The following UBR3 variants were observed in gnomAD, a reference collection of about 807,000 sequenced individuals.
The protein encoded by UBR3 is E3 ubiquitin-protein ligase UBR3.
In UBR3, 85 loss-of-function variants were observed where a neutral mutation model predicts 243.2. The observed-to-expected ratio is 0.35, with a 90% CI of 0.29 to 0.42. The LOEUF (loss-of-function observed/expected upper bound fraction) is 0.42, where lower values mean the gene tolerates loss of function less well. Among genes scored for constraint, UBR3 ranks in the 10% least tolerant of loss-of-function variants. The probability of loss-of-function intolerance (pLI) is 1.00; values close to 1 mark genes in which losing one functional copy is unlikely to be tolerated. For missense variants in UBR3, 1,686 were observed against 2,300.8 expected, an observed-to-expected ratio of 0.73 and a Z score of 5.47; for synonymous variants, 748 against 799.8, an observed-to-expected ratio of 0.94 and a Z score of 1.09.
At chr2:170,081,371 G>A (rs2091903101) in intron 38 of UBR3, among the ~76,000 whole-genome samples, 1 of 152,046 alleles carries the variant, frequency 6.6e-6, no homozygotes, top group African/African-American at 2.4e-5. Context: ...GTGGTGGCGG[G>A]CCCCTATAGT....
At chr2:169,919,610 C>T (rs1019822503) in intron 11 of UBR3, among the ~76,000 whole-genome samples, 2 of 152,128 alleles carry the variant, frequency 1.3e-5, no homozygotes, top group Admixed American at 6.5e-5. Context: ...AACAAACTTA[C>T]AAGAAAAAAG....
At chr2:170,054,572 G>A (rs941095142) in intron 32 of UBR3, among the ~76,000 whole-genome samples, 5 of 151,998 alleles carry the variant, frequency 3.3e-5, no homozygotes, top group Admixed American at 3.3e-4. Context: ...GTGAGCCACC[G>A]CCCCTGGCCA....
chr2:170,041,093 C>T (rs563134380), intron 32 of UBR3, 108 bp downstream of exon 32: 12 of 1,085,240 alleles, frequency 1.1e-5, no homozygotes, highest in Admixed American at 9.1e-5. Flanking sequence ...TTGTAATCCC[C>T]GCACTTTAGG....
intron 14 of UBR3, among the ~76,000 whole-genome samples, chr2:169,926,110 T>C (rs2085900319): frequency 6.6e-6 from 1 of 152,142 alleles, no homozygotes; most frequent in South Asian, 2.1e-4. Flanking sequence ...TGGGTTGATT[T>C]AGGGGAGGGG....
At chr2:169,876,902 C>G (rs937720050) in intron 3 of UBR3, among the ~76,000 whole-genome samples, 2 of 151,996 alleles carry the variant, frequency 1.3e-5, no homozygotes, top group Non-Finnish European at 2.9e-5. Flanking sequence ...GAGAAGTGAT[C>G]CCCTTTCTTT....
intron 1 of UBR3, among the ~76,000 whole-genome samples, chr2:169,848,783 A>G (rs1033395237): frequency 7.4e-5 from 11 of 149,606 alleles, no homozygotes; most frequent in Non-Finnish European, 1.3e-4. Context: ...GCTCACTGCA[A>G]CCTCTGCCTC....
rs1000969565 is a variant in UBR3 at position 169,856,393 on chromosome 2, C to T, written c.546-15843C>T. 7.2e-5 allele frequency among the ~76,000 whole-genome samples: 11 copies of T among 152,162 alleles called. No homozygotes were observed. The South Asian group carries it at 2.1e-3, about 29-fold the overall frequency. Reference sequence around the variant, plus strand: ...GGCTCCTCACATCCCAGACGATGGGCGGCTGCGCAGAGACGCTCCTCACTT... The same window carrying T: ...GGCTCCTCACATCCCAGACGATGGGTGGCTGCGCAGAGACGCTCCTCACTT... On this transcript the variant is annotated intron_variant, in intron 1 of 38. Transcript: ENST00000272793.
At chr2:169,857,064 G>GTTTTGTTTTTTTTTTT (rs1255937396) in intron 1 of UBR3, among the ~76,000 whole-genome samples, 3 of 56,094 alleles carry the variant, frequency 5.3e-5, no homozygotes, top group East Asian at 8.7e-4. Flanking sequence ...ATTTTATTAT[G>GTTTTGTTTTTTTTTTT]TTTTTTTTTT....
intron 36 of UBR3, chr2:170,077,301 C>A: frequency 1.3e-6 from 1 of 759,532 alleles, no homozygotes; most frequent in East Asian, 2.6e-5. Context: ...CCCCAAATAA[C>A]CTTGCCTCCT....
At chr2:170,009,168 C>A (rs2090010526) in intron 29 of UBR3, among the ~76,000 whole-genome samples, 1 of 151,894 alleles carries the variant, frequency 6.6e-6, no homozygotes, top group African/African-American at 2.4e-5. Flanking sequence ...CATTATAGTA[C>A]ATGGGGGAAA....
At chr2:169,882,073 T>A (rs1559054200) in intron 5 of UBR3, among the ~76,000 whole-genome samples, 1 of 126,688 alleles carries the variant, frequency 7.9e-6, no homozygotes, top group African/African-American at 3.0e-5. Context: ...TATAATATAA[T>A]TATATATGTA....
Position 169,949,874 on chromosome 2 carries a change from A to C in UBR3, c.3354A>C (p.Leu1118Phe), listed in dbSNP as rs1406641119. The change falls in exon 23 of 39, where the codon TTA becomes TTC. Residue 1118 changes from leucine to phenylalanine, a missense_variant. Transcript: ENST00000272793. ...CTTGGCTTGATGACATAGAAATTTT[A>C]ATCCAACCAGAAATTCCTAAATACA... ...YPPWLDDIEI[L>F]IQPEIPKYSH... The C allele has an allele frequency of 6.2e-7, 1 of 1,602,924 alleles. No homozygotes were observed. The highest frequency in any genetic ancestry group is 8.5e-7 in the Non-Finnish European group (1 of 1,173,678).
At chr2:169,833,096 T>C (rs1357627312) in intron 1 of UBR3, among the ~76,000 whole-genome samples, 1 of 152,216 alleles carries the variant, frequency 6.6e-6, no homozygotes, top group African/African-American at 2.4e-5. Flanking sequence ...ATGCTGCTTA[T>C]ATGAAAAGTC....
intron 19 of UBR3, among the ~76,000 whole-genome samples, chr2:169,937,228 G>T (rs1314990910): frequency 6.6e-6 from 1 of 152,138 alleles, no homozygotes; most frequent in East Asian, 1.9e-4. Flanking sequence ...ATCTAATTGT[G>T]GTTTTGATTT....
intron 19 of UBR3, among the ~76,000 whole-genome samples, chr2:169,934,819 G>A (rs6716016): frequency 0.74 from 112,655 of 152,130 alleles, 43,044 homozygotes; most frequent in East Asian, 0.88. Context: ...AAAGTAAGCC[G>A]TTTGCTTTAT....
At chr2:170,063,185 C>G (rs972378808) in intron 35 of UBR3, among the ~76,000 whole-genome samples, 2 of 152,030 alleles carry the variant, frequency 1.3e-5, no homozygotes, top group African/African-American at 4.8e-5. Flanking sequence ...TAGGATGTGA[C>G]AACTAGTTGA....
chr2:169,840,938 C>G (rs1285657725), intron 1 of UBR3, among the ~76,000 whole-genome samples: 1 of 152,098 alleles, frequency 6.6e-6, no homozygotes, highest in African/African-American at 2.4e-5. Context: ...GTGCAGCAAG[C>G]CCTGAGGCTC....
chr2:169,890,542 T>TATATATATATATACAC (rs2084299880), intron 5 of UBR3, among the ~76,000 whole-genome samples: 1 of 62,094 alleles, frequency 1.6e-5, no homozygotes, highest in African/African-American at 6.8e-5. Context: ...GAGAGAGAGA[T>TATATATATATATACAC]ATATATATAT....
chr2:169,877,346 G>A (rs906463348), intron 3 of UBR3, 148 bp from the exon 4 acceptor site: 2 of 638,166 alleles, frequency 3.1e-6, no homozygotes, highest in Admixed American at 7.5e-5. Context: ...AAGCACAAAA[G>A]TGTTATTTGA....
Sources: allele counts gnomAD v4.1 joint callset (sites outside exome capture counted in the v4.1 genomes callset), GRCh38; gene constraint gnomAD v4.1.1; transcripts MANE v1.5; gene names NCBI Gene and HGNC (gene_info 2026-07-23, HGNC 2026-07-21).